DCPS: variants seen among roughly 807,000 people sequenced by gnomAD.
DCPS encodes the protein decapping enzyme, scavenger, also known as m7GpppX diphosphatase.
In DCPS, 27 loss-of-function variants were observed where a neutral mutation model predicts 34.7. The ratio of observed to expected loss-of-function variants is 0.78; its 90% CI spans 0.57 to 1.07. The LOEUF (loss-of-function observed/expected upper bound fraction) is 1.07, where lower values mean the gene tolerates loss of function less well. Ranked by LOEUF, DCPS falls within the 50% of genes least tolerant of loss-of-function variation. DCPS has a pLI of 0.00. For missense variants in DCPS, 464 were observed against 436.9 expected, an observed-to-expected ratio of 1.06 and a Z score of -0.55; for synonymous variants, 185 against 185.7, an observed-to-expected ratio of 1.00 and a Z score of 0.03.
rs1239619272 is a variant in DCPS, at chr11:126,332,562, A to T, written c.522+1012A>T. Reference sequence around the variant, plus strand: ...CACAGCCACTCCTCCCTGGCCCAGAAGAAGGGAGGGTACGCTGTGTGTGTG... The same window carrying T: ...CACAGCCACTCCTCCCTGGCCCAGATGAAGGGAGGGTACGCTGTGTGTGTG... On this transcript the variant is annotated intron_variant, in intron 3 of 5. Transcript: ENST00000263579. The surrounding 1 kb of genome is among the most constrained non-coding windows in gnomAD (Gnocchi z 5.4). Among the ~76,000 whole-genome samples, 1 of 152,210 alleles carries T rather than the reference A, an allele frequency of 6.6e-6. No individual in the cohort carries two copies. Among genetic ancestry groups the T allele is most frequent in the Non-Finnish European group, 1.5e-5 (1 of 68,030 alleles).
intron 2 of DCPS, among the ~76,000 whole-genome samples, chr11:126,316,065 A>G (rs1951654953): frequency 6.6e-6 from 1 of 151,966 alleles, no homozygotes; most frequent in Non-Finnish European, 1.5e-5. Context: ...TTGCATTCCA[A>G]CAGTCCTTCA....
rs541540522 is a variant in DCPS at position 126,345,134 on chromosome 11, C to T, written c.748-213C>T. Among the ~76,000 whole-genome samples the T allele has an allele frequency of 3.3e-5, 5 of 152,350 alleles. No individual in the cohort carries two copies. In the East Asian group the frequency reaches 9.7e-4, roughly 29 times the overall value. On this transcript the variant is annotated intron_variant, in intron 5 of 5. Coordinates refer to ENST00000263579, the MANE Select transcript of DCPS (RefSeq NM_014026.6). The surrounding 1 kb of genome is among the most constrained non-coding windows in gnomAD (Gnocchi z 7.4). ...CTCCCCACTTCTTTTGGGAGAGTCT[C>T]AGCTTTGCTGCTGTCACCTGCACTT... is the stretch of plus-strand genomic sequence containing the variant.
chr11:126,314,428 T>G (rs1344780820), intron 2 of DCPS, among the ~76,000 whole-genome samples: 5 of 152,196 alleles, frequency 3.3e-5, no homozygotes, highest in African/African-American at 1.2e-4. Flanking sequence ...GGAAACAGTG[T>G]GGAAATTCCT....
intron 1 of DCPS, 56 bp from the exon 2 acceptor site, chr11:126,306,514 C>T: frequency 6.7e-7 from 1 of 1,500,346 alleles, no homozygotes; most frequent in Non-Finnish European, 9.0e-7. Context: ...GTCTTGCTCT[C>T]CAGAGTCTCA....
In DCPS at chr11:126,336,115, CAAAAAA is replaced by C. The variant is rs34762229; in HGVS notation, c.523-2157_523-2152del. 9.2e-6 allele frequency among the ~76,000 whole-genome samples: 1 copy of C among 109,180 alleles called. No homozygotes were observed. Among genetic ancestry groups the C allele is most frequent in the African/African-American group, 3.6e-5 (1 of 28,108 alleles). 71.6% of individuals were successfully genotyped at this position (109,180 alleles called of 152,430 possible). A position where few individuals can be genotyped will look rare whatever the true frequency, so the allele number is the denominator to read the frequency against. Reference sequence around the variant, plus strand: ...TGGGCGAAAGAGCAAGACTCCATCTCAAAAAAAAAAAAAAAAAAATGGCGACAATGA... The same window carrying C: ...TGGGCGAAAGAGCAAGACTCCATCTCAAAAAAAAAAAAATGGCGACAATGA... On this transcript the variant is annotated intron_variant, in intron 3 of 5. Transcript: ENST00000263579. The surrounding 1 kb of genome is among the most constrained non-coding windows in gnomAD (Gnocchi z 6.3).
At chr11:126,318,510 A>G (rs672806) in intron 2 of DCPS, among the ~76,000 whole-genome samples, 82,171 of 152,076 alleles carry the variant, frequency 0.54, 23,543 homozygotes, top group East Asian at 0.88. Flanking sequence ...GGAAAGAGAA[A>G]GCAGATCCAG....
In DCPS at chr11:126,328,409, G is replaced by A. The variant is rs542965297; in HGVS notation, c.377-2996G>A. ...GGAGCTCTGAGAGTCCTGCAGTCAG[G>A]TTCCCATCCCTGCAGGTGCACCTCA... On this transcript the variant is annotated intron_variant, in intron 2 of 5. Coordinates refer to ENST00000263579, the MANE Select transcript of DCPS (RefSeq NM_014026.6). This position sits in a 1 kb window ranked among gnomAD's most constrained non-coding sequence, Gnocchi z 6.6. Among the ~76,000 whole-genome samples, 2 of 152,278 alleles carry A rather than the reference G, an allele frequency of 1.3e-5. No individual in the cohort carries two copies. Among genetic ancestry groups the A allele is most frequent in the East Asian group, 3.9e-4 (2 of 5,176 alleles).
intron 5 of DCPS, 113 bp downstream of exon 5, chr11:126,343,530 C>T: frequency 1.1e-6 from 1 of 899,950 alleles, no homozygotes; most frequent in East Asian, 2.6e-5. Flanking sequence ...AGAGACTTCT[C>T]TCTGGATGCC....
chr11:126,335,185 C>T lies in DCPS; in HGVS notation c.523-3101C>T, dbSNP rs1565378570. ...TGGAGGGGAAGTGCAAGGCAGCAGGCAGAAGCAGAGAGCAGGAGGTGATGA... is the reference window on the plus strand; with the variant it reads ...TGGAGGGGAAGTGCAAGGCAGCAGGTAGAAGCAGAGAGCAGGAGGTGATGA... On this transcript the variant is annotated intron_variant, in intron 3 of 5. Transcript: ENST00000263579. The surrounding 1 kb of genome is among the most constrained non-coding windows in gnomAD (Gnocchi z 4.8). Among the ~76,000 whole-genome samples the T allele has an allele frequency of 6.6e-6, 1 of 152,220 alleles. No homozygotes were observed. Among genetic ancestry groups the T allele is most frequent in the Admixed American group, 6.5e-5 (1 of 15,290 alleles).
rs1000803932 is a variant in DCPS, at chr11:126,325,157, A to G, written c.377-6248A>G. 6.6e-6 allele frequency among the ~76,000 whole-genome samples: 1 copy of G among 152,094 alleles called. No homozygotes were observed. Among genetic ancestry groups the G allele is most frequent in the Admixed American group, 6.6e-5 (1 of 15,260 alleles). On this transcript the variant is annotated intron_variant, in intron 2 of 5. Transcript: ENST00000263579. This position sits in a 1 kb window ranked among gnomAD's most constrained non-coding sequence, Gnocchi z 4.3. ...AGCCAAGATCGTGCCATTGCACTCC[A>G]GCCTGGGAGACACAGTGAGACTCAG...
intron 5 of DCPS, 64 bp downstream of exon 5, chr11:126,343,481 C>G: frequency 7.3e-7 from 1 of 1,361,144 alleles, no homozygotes. Context: ...CAGTGTGTTC[C>G]TGGGCCCCTT....
rs1484761102 is a variant in DCPS, at chr11:126,325,500, T to C, written c.377-5905T>C. On this transcript the variant is annotated intron_variant, in intron 2 of 5. Coordinates refer to ENST00000263579, the MANE Select transcript of DCPS (RefSeq NM_014026.6). This position sits in a 1 kb window ranked among gnomAD's most constrained non-coding sequence, Gnocchi z 4.3. ...AGTAAGTAATAGTAGAAGTTAAAAG[T>C]CAAGTAGGAACAAGATATAAAAGTA... Among the ~76,000 whole-genome samples the C allele has an allele frequency of 6.6e-6, 1 of 152,140 alleles. No individual in the cohort carries two copies. Among genetic ancestry groups the C allele is most frequent in the Admixed American group, 6.6e-5 (1 of 15,266 alleles).
In DCPS at chr11:126,345,720, T is replaced by A; in HGVS notation, c.*107T>A. On this transcript the variant is annotated 3_prime_UTR_variant, in exon 6 of 6. Coordinates refer to ENST00000263579, the MANE Select transcript of DCPS (RefSeq NM_014026.6). The surrounding 1 kb of genome is among the most constrained non-coding windows in gnomAD (Gnocchi z 7.4). The stretch of plus-strand genomic sequence containing the variant: ...TAAAAATGTATTTTATACCGGCTTA[T>A]TCCTAGTATTGAATAAACTAGCGGG... The A allele has an allele frequency of 6.7e-7, 1 of 1,496,100 alleles. No homozygotes were observed. The highest frequency in any genetic ancestry group is 9.0e-7 in the Non-Finnish European group (1 of 1,116,888). 92.7% of individuals were successfully genotyped at this position (1,496,100 alleles called of 1,614,324 possible). A position where few individuals can be genotyped will look rare whatever the true frequency, so the allele number is the denominator to read the frequency against.
At position 126,313,860 on chromosome 11, in the gene DCPS, C is replaced by G. The variant is rs1033056269; in HGVS notation, c.376+7116C>G. On this transcript the variant is annotated intron_variant, in intron 2 of 5. Coordinates refer to ENST00000263579, the MANE Select transcript of DCPS (RefSeq NM_014026.6). This position sits in a 1 kb window ranked among gnomAD's most constrained non-coding sequence, Gnocchi z 4.9. ...GTACATATTTTATATACATACACAC[C>G]TGTGTTTTATATGTATAATGTATTT... Among the ~76,000 whole-genome samples, 24 of 152,028 alleles carry G rather than the reference C, an allele frequency of 1.6e-4. No individual in the cohort carries two copies. Among genetic ancestry groups the G allele is most frequent in the African/African-American group, 5.8e-4 (24 of 41,384 alleles).
intron 2 of DCPS, among the ~76,000 whole-genome samples, chr11:126,310,873 G>T (rs74392704): frequency 1.3e-5 from 2 of 152,328 alleles, no homozygotes; most frequent in East Asian, 3.9e-4. Context: ...GAGTTTTTCT[G>T]CTGTCTCTGG....
In DCPS at chr11:126,327,181, C is replaced by A. The variant is rs141996440; in HGVS notation, c.377-4224C>A. On this transcript the variant is annotated intron_variant, in intron 2 of 5. Transcript: ENST00000263579. The surrounding 1 kb of genome is among the most constrained non-coding windows in gnomAD (Gnocchi z 4.1). ...GGATCTAATCCAATCCCTTTAGTCC[C>A]GTCTCTTTAGTCTCCCTTCATCTGG... Among the ~76,000 whole-genome samples, 1 of 152,160 alleles carries A rather than the reference C, an allele frequency of 6.6e-6. No individual in the cohort carries two copies. Among genetic ancestry groups the A allele is most frequent in the Non-Finnish European group, 1.5e-5 (1 of 68,032 alleles).
Position 126,345,648 on chromosome 11 carries a change from T to C in DCPS, c.*35T>C, listed in dbSNP as rs201671454. The stretch of plus-strand genomic sequence containing the variant: ...GGCAGAAGAGCACAGATGTGTGGGA[T>C]TGGGGGAGGAGTGGGGACAAGATTT... On this transcript the variant is annotated 3_prime_UTR_variant, in exon 6 of 6. Transcript: ENST00000263579. The surrounding 1 kb of genome is among the most constrained non-coding windows in gnomAD (Gnocchi z 7.4). 23 of 1,595,188 alleles carry C rather than the reference T, an allele frequency of 1.4e-5. No homozygotes were observed. In the East Asian group the frequency reaches 3.6e-4, roughly 25 times the overall value.
Position 126,327,987 on chromosome 11 carries a change from G to A in DCPS, c.377-3418G>A, listed in dbSNP as rs1411002722. ...AGGTTAGGGCTGCTGTTTTACCAGA[G>A]CTGACCGAGCCTGAGGAGCTGGCCT... On this transcript the variant is annotated intron_variant, in intron 2 of 5. Transcript: ENST00000263579. This position sits in a 1 kb window ranked among gnomAD's most constrained non-coding sequence, Gnocchi z 4.1. 6.6e-6 allele frequency among the ~76,000 whole-genome samples: 1 copy of A among 152,222 alleles called. No homozygotes were observed. Among genetic ancestry groups the A allele is most frequent in the Admixed American group, 6.5e-5 (1 of 15,286 alleles).
At chr11:126,326,517 GT>G (rs1170077404) in intron 2 of DCPS, among the ~76,000 whole-genome samples, 1 of 152,182 alleles carries the variant, frequency 6.6e-6, no homozygotes, top group African/African-American at 2.4e-5. Flanking sequence ...TTAGAATAGT[GT>G]TATAGGGCTG....
Sources: allele counts gnomAD v4.1 joint callset (sites outside exome capture counted in the v4.1 genomes callset), GRCh38; gene constraint gnomAD v4.1.1; non-coding constraint Gnocchi (gnomAD v3.1); transcripts MANE v1.5; gene names NCBI Gene and HGNC (gene_info 2026-07-23, HGNC 2026-07-21).